The following HDAC9 variants were observed in gnomAD, a reference collection of about 807,000 sequenced individuals.
HDAC9 encodes the protein MEF-2 interacting transcription repressor (MITR) protein.
Under a neutral mutation model 139.4 loss-of-function variants are expected in HDAC9, and 41 were observed. The observed-to-expected ratio is 0.29, with a 90% CI of 0.23 to 0.38. HDAC9 has a LOEUF of 0.38. Ranked by LOEUF, HDAC9 falls within the 10% of genes least tolerant of loss-of-function variation. HDAC9 has a pLI of 1.00. For missense variants in HDAC9, 1,147 were observed against 1,297.0 expected (o/e 0.88, Z 1.78); for synonymous variants, 517 against 476.2 (o/e 1.09, Z -1.12).
intron 21 of HDAC9, among the ~76,000 whole-genome samples, chr7:18,847,531 C>A (rs768400619): frequency 2.7e-4 from 41 of 152,254 alleles, no homozygotes; most frequent in Non-Finnish European, 4.6e-4. Context: ...AAGTGAGGAA[C>A]CCTCCTGTGG....
At chr7:18,512,160 T>A (rs1184919118) in intron 2 of HDAC9, among the ~76,000 whole-genome samples, 3 of 152,122 alleles carry the variant, frequency 2.0e-5, no homozygotes, top group Admixed American at 1.3e-4. Context: ...ATTCACCCTA[T>A]CTGAAACTTT....
In HDAC9 at chr7:18,719,331, CT is replaced by C. The variant is rs757689693; in HGVS notation, c.1732-8223del. On this transcript the variant is annotated intron_variant, in intron 12 of 25. Transcript: ENST00000686413. Reference sequence around the variant, plus strand: ...CTAATTAACCTATTTTTTTCTCTTCCTTTTTTTTTTTTTTTTTTTTTTTTTT... The same window carrying C: ...CTAATTAACCTATTTTTTTCTCTTCCTTTTTTTTTTTTTTTTTTTTTTTTT... 8.9e-3 allele frequency among the ~76,000 whole-genome samples: 660 copies of C among 73,876 alleles called. 3 individuals carry two copies. The highest frequency in any genetic ancestry group is 0.032 in the African/African-American group (488 of 15,176). The allele number at this position is 73,876 out of a possible 152,430, so 48.5% of individuals were successfully genotyped here. A position where few individuals can be genotyped will look rare whatever the true frequency, so the allele number is the denominator to read the frequency against.
chr7:18,387,575 A>G (rs1212794725), intron 1 of HDAC9, among the ~76,000 whole-genome samples: 1 of 152,248 alleles, frequency 6.6e-6, no homozygotes, highest in Non-Finnish European at 1.5e-5. Context: ...GGAAGGAGGT[A>G]GGCTGAACAG....
intron 16 of HDAC9, among the ~76,000 whole-genome samples, chr7:18,784,036 T>C (rs1017278374): frequency 4.6e-5 from 7 of 152,128 alleles, no homozygotes; most frequent in South Asian, 2.1e-4. Context: ...TATGTCCCCA[T>C]TGTGGCTTTC....
At chr7:18,970,635 A>G (rs1784185825) in intron 24 of HDAC9, among the ~76,000 whole-genome samples, 1 of 152,166 alleles carries the variant, frequency 6.6e-6, no homozygotes, top group Non-Finnish European at 1.5e-5. Flanking sequence ...TAAAAAATTT[A>G]TCTTAAAAAC....
At chr7:18,472,365 A>G (rs960803809) in intron 1 of HDAC9, among the ~76,000 whole-genome samples, 7 of 152,156 alleles carry the variant, frequency 4.6e-5, no homozygotes, top group African/African-American at 1.7e-4. Context: ...TCCAAGCCAT[A>G]GGATAAGGAT....
intron 21 of HDAC9, among the ~76,000 whole-genome samples, chr7:18,855,541 G>A (rs927321196): frequency 2.6e-5 from 4 of 151,802 alleles, no homozygotes; most frequent in African/African-American, 9.7e-5. Flanking sequence ...ACAGTTCATG[G>A]CACTGACTGT....
At chr7:18,788,029 G>A (rs559566588) in intron 16 of HDAC9, among the ~76,000 whole-genome samples, 1 of 152,100 alleles carries the variant, frequency 6.6e-6, no homozygotes, top group African/African-American at 2.4e-5. Context: ...GAGCTGAAGG[G>A]GTACCTGGAT....
At chr7:18,135,009 C>G (rs561631582) in intron 1 of HDAC9, among the ~76,000 whole-genome samples, 3 of 152,014 alleles carry the variant, frequency 2.0e-5, no homozygotes, top group Non-Finnish European at 4.4e-5. Flanking sequence ...CTAAACAGAT[C>G]TAATTTAAAT....
chr7:18,481,917 C>T (rs1323615679), intron 1 of HDAC9, among the ~76,000 whole-genome samples: 1 of 152,106 alleles, frequency 6.6e-6, no homozygotes, highest in African/African-American at 2.4e-5. Context: ...ATGTCCAGAT[C>T]CTTGTAATTA....
chr7:18,310,342 G>A (rs1799226701), intron 1 of HDAC9, among the ~76,000 whole-genome samples: 1 of 152,104 alleles, frequency 6.6e-6, no homozygotes, highest in Non-Finnish European at 1.5e-5. Flanking sequence ...ATATACCATG[G>A]CCCAGAAAAT....
chr7:18,682,781 G>C (rs1302198080), intron 12 of HDAC9, among the ~76,000 whole-genome samples: 1 of 151,710 alleles, frequency 6.6e-6, no homozygotes, highest in East Asian at 1.9e-4. Context: ...TCAGGAGTTC[G>C]AGACCAGCCT....
intron 1 of HDAC9, among the ~76,000 whole-genome samples, chr7:18,093,362 G>A (rs182559061): frequency 2.0e-3 from 297 of 152,230 alleles, no homozygotes; most frequent in African/African-American, 6.8e-3. Context: ...AAGTTTCCAG[G>A]GGGAAAGCCT....
At chr7:18,566,873 G>A (rs745881967) in intron 2 of HDAC9, among the ~76,000 whole-genome samples, 1 of 152,188 alleles carries the variant, frequency 6.6e-6, no homozygotes, top group Non-Finnish European at 1.5e-5. Flanking sequence ...GGAGTGTAGT[G>A]GATGTAGTAG....
chr7:18,146,751 A>T (rs1786364267), intron 1 of HDAC9, among the ~76,000 whole-genome samples: 1 of 152,184 alleles, frequency 6.6e-6, no homozygotes, highest in Non-Finnish European at 1.5e-5. Context: ...AATGCTTCCT[A>T]GAGAACAAGT....
chr7:18,267,734 G>A (rs1281379102), intron 2 of HDAC9, among the ~76,000 whole-genome samples: 1 of 152,068 alleles, frequency 6.6e-6, no homozygotes, highest in Non-Finnish European at 1.5e-5. Flanking sequence ...TTTGGCTGTT[G>A]TGAATAATGC....
intron 11 of HDAC9, among the ~76,000 whole-genome samples, chr7:18,652,711 TTATTAATATC>T (rs1160144966): frequency 3.3e-5 from 5 of 152,106 alleles, no homozygotes; most frequent in Non-Finnish European, 5.9e-5. Context: ...ATTAATATCT[TTATTAATATC>T]TGTTTTTCAT....
chr7:18,115,562 A>G (rs1200217841), intron 1 of HDAC9, among the ~76,000 whole-genome samples: 1 of 152,192 alleles, frequency 6.6e-6, no homozygotes, highest in East Asian at 1.9e-4. Flanking sequence ...TACATTTTAT[A>G]TTATTTTATA....
chr7:18,088,971 G>T lies in HDAC9; in HGVS notation c.-97+1758G>T, dbSNP rs140547760. Among the ~76,000 whole-genome samples, 1,306 of 152,300 alleles carry T rather than the reference G, an allele frequency of 8.6e-3. 20 individuals are homozygous for T. The highest frequency in any genetic ancestry group is 0.03 in the African/African-American group (1,236 of 41,572). ...ATTTTCTTAGAATATGCCATTTTCT[G>T]TGTGGGAAAAAGCTAGTGTTTTCAT... is the stretch of plus-strand genomic sequence containing the variant. On this transcript the variant is annotated intron_variant, in intron 1 of 12. Coordinates refer to the HDAC9 transcript ENST00000417496.
Sources: allele counts gnomAD v4.1 joint callset (sites outside exome capture counted in the v4.1 genomes callset), GRCh38; gene constraint gnomAD v4.1.1; transcripts MANE v1.5; gene names NCBI Gene and HGNC (gene_info 2026-07-23, HGNC 2026-07-21).